Variants in RPS6KA2 observed in about 807,000 individuals in gnomAD.
RPS6KA2 encodes ribosomal protein S6 kinase A2.
Under a neutral mutation model 91.8 loss-of-function variants are expected in RPS6KA2, and 42 were observed. The observed-to-expected ratio is 0.46, with a 90% CI of 0.36 to 0.59. RPS6KA2 has a LOEUF of 0.59. RPS6KA2 is among the 20% of genes least tolerant of loss of function. The pLI, the probability that RPS6KA2 is intolerant of heterozygous loss-of-function variation, is 0.00. For missense variants in RPS6KA2, 798 were observed against 978.5 expected (o/e 0.82, Z 2.46); for synonymous variants, 414 against 393.6 (o/e 1.05, Z -0.61).
chr6:166,598,714 A>C (rs777192305), intron 1 of RPS6KA2, among the ~76,000 whole-genome samples: 1 of 152,208 alleles, frequency 6.6e-6, no homozygotes, highest in Non-Finnish European at 1.5e-5. Flanking sequence ...TCTCTGAGAT[A>C]ATGGAGTCAG....
At chr6:166,829,771 G>A (rs560989553) in intron 2 of RPS6KA2, among the ~76,000 whole-genome samples, 2 of 152,168 alleles carry the variant, frequency 1.3e-5, no homozygotes, top group South Asian at 4.1e-4. Context: ...AGAACAAAAT[G>A]TGATGTGTAT....
chr6:166,486,997 C>T (rs1361955580), intron 10 of RPS6KA2, among the ~76,000 whole-genome samples: 6 of 152,218 alleles, frequency 3.9e-5, no homozygotes, highest in African/African-American at 9.6e-5. Flanking sequence ...GTGGTGTGGA[C>T]GTTTCATAAT....
At chr6:166,650,654 G>C (rs1309250396) in intron 2 of RPS6KA2, among the ~76,000 whole-genome samples, 1 of 152,190 alleles carries the variant, frequency 6.6e-6, no homozygotes, top group South Asian at 2.1e-4. Flanking sequence ...TGTATGTGAG[G>C]GTGAACTGAG....
At chr6:166,587,379 G>A (rs941152176) in intron 1 of RPS6KA2, among the ~76,000 whole-genome samples, 24 of 152,088 alleles carry the variant, frequency 1.6e-4, no homozygotes, top group African/African-American at 5.6e-4. Flanking sequence ...TCTAATCACC[G>A]TCACTCTAAT....
intron 2 of RPS6KA2, among the ~76,000 whole-genome samples, chr6:166,688,065 A>G (rs1789079437): frequency 6.6e-6 from 1 of 152,106 alleles, no homozygotes; most frequent in African/African-American, 2.4e-5. Flanking sequence ...GTGAGTATTC[A>G]AAAGGCAGGA....
At chr6:166,440,622 T>G (rs919259858) in intron 14 of RPS6KA2, among the ~76,000 whole-genome samples, 4 of 152,230 alleles carry the variant, frequency 2.6e-5, no homozygotes, top group Admixed American at 6.5e-5. Flanking sequence ...AACAACTGTT[T>G]GAGAACGAAG....
Position 166,639,269 on chromosome 6 carries a change from C to G in RPS6KA2, c.124-100485G>C, listed in dbSNP as rs1211806203. On this transcript the variant is annotated intron_variant, in intron 2 of 21. Transcript: ENST00000503859. This position sits in a 1 kb window ranked among gnomAD's most constrained non-coding sequence, Gnocchi z 4.2. ...TGCCCAAACCAGAAGGTAAGACTTA[C>G]CGTGACCTCCTGACACGTCCTTATT... 6.6e-6 allele frequency among the ~76,000 whole-genome samples: 1 copy of G among 152,082 alleles called. No individual in the cohort carries two copies. The highest frequency in any genetic ancestry group is 1.5e-5 in the Non-Finnish European group (1 of 68,026).
At chr6:166,478,749 C>G (rs1024483570) in intron 10 of RPS6KA2, among the ~76,000 whole-genome samples, 1 of 152,138 alleles carries the variant, frequency 6.6e-6, no homozygotes, top group African/African-American at 2.4e-5. Context: ...ACACCCTTCC[C>G]GGCCACAGGC....
At chr6:166,807,902 C>A (rs934044560) in intron 2 of RPS6KA2, among the ~76,000 whole-genome samples, 1 of 152,164 alleles carries the variant, frequency 6.6e-6, no homozygotes, top group African/African-American at 2.4e-5. Context: ...CCATGGCACT[C>A]ATCTCCTTCT....
At chr6:166,747,975 T>C (rs1043702176) in intron 2 of RPS6KA2, among the ~76,000 whole-genome samples, 1 of 152,190 alleles carries the variant, frequency 6.6e-6, no homozygotes, top group African/African-American at 2.4e-5. Context: ...CTTGACATTC[T>C]GCCCTGAGTT....
Position 166,435,025 on chromosome 6 carries a change from A to C in RPS6KA2, c.1333-2535T>G, listed in dbSNP as rs888393058. The stretch of plus-strand genomic sequence containing the variant: ...CTTTGCTGTATCCACATGAATTTTT[A>C]AAAATTTTGAACCACAAGAATATAT... On this transcript the variant is annotated intron_variant, in intron 14 of 20. Transcript: ENST00000265678. The surrounding 1 kb of genome is among the most constrained non-coding windows in gnomAD (Gnocchi z 4.3). Among the ~76,000 whole-genome samples, 3 of 152,224 alleles carry C rather than the reference A, an allele frequency of 2.0e-5. No homozygotes were observed. The highest frequency in any genetic ancestry group is 4.4e-5 in the Non-Finnish European group (3 of 68,034).
chr6:166,464,370 T>G (rs1780441782), intron 11 of RPS6KA2, among the ~76,000 whole-genome samples: 1 of 152,016 alleles, frequency 6.6e-6, no homozygotes, highest in Non-Finnish European at 1.5e-5. Flanking sequence ...CTTGGAAGGG[T>G]TTCAAACTGT....
chr6:166,634,237 C>G (rs945365616), intron 2 of RPS6KA2, among the ~76,000 whole-genome samples: 5 of 152,162 alleles, frequency 3.3e-5, no homozygotes, highest in Non-Finnish European at 5.9e-5. Flanking sequence ...GGACAGTGTC[C>G]TCATGAAGAG....
chr6:166,637,930 C>T (rs572354211), intron 2 of RPS6KA2, among the ~76,000 whole-genome samples: 2 of 152,354 alleles, frequency 1.3e-5, no homozygotes, highest in South Asian at 4.1e-4. Flanking sequence ...GGGAGGACCC[C>T]ATAACCCCCT....
chr6:166,457,481 C>A (rs1283103391), intron 12 of RPS6KA2, among the ~76,000 whole-genome samples: 1 of 152,166 alleles, frequency 6.6e-6, no homozygotes, highest in Non-Finnish European at 1.5e-5. Flanking sequence ...AGAGAGCAGA[C>A]CCAGAAGTGT....
chr6:166,641,323 A>G (rs1175542968), intron 2 of RPS6KA2, among the ~76,000 whole-genome samples: 1 of 152,210 alleles, frequency 6.6e-6, no homozygotes, highest in Non-Finnish European at 1.5e-5. Context: ...AAAAACAGCA[A>G]GGAAGGTTGA....
At chr6:166,720,629 T>C (rs925793906) in intron 2 of RPS6KA2, among the ~76,000 whole-genome samples, 3 of 152,270 alleles carry the variant, frequency 2.0e-5, no homozygotes, top group African/African-American at 4.8e-5. Flanking sequence ...CTTTTTGAGA[T>C]AGTTTGAACA....
intron 1 of RPS6KA2, among the ~76,000 whole-genome samples, chr6:166,599,691 T>C (rs1314296214): frequency 6.6e-5 from 10 of 152,170 alleles, no homozygotes; most frequent in Non-Finnish European, 1.5e-4. Context: ...TTACTCTTAT[T>C]AAACAAAAAA....
intron 3 of RPS6KA2, among the ~76,000 whole-genome samples, chr6:166,530,171 A>AT (rs766815647): frequency 3.3e-5 from 5 of 152,300 alleles, no homozygotes; most frequent in Non-Finnish European, 7.4e-5. Flanking sequence ...AAGACCTAAA[A>AT]ATTCAAGTGC....
Sources: allele counts gnomAD v4.1 joint callset (sites outside exome capture counted in the v4.1 genomes callset), GRCh38; gene constraint gnomAD v4.1.1; non-coding constraint Gnocchi (gnomAD v3.1); transcripts MANE v1.5; gene names NCBI Gene and HGNC (gene_info 2026-07-23, HGNC 2026-07-21).